CEP70: variants seen among roughly 807,000 people sequenced by gnomAD.
CEP70 encodes centrosomal protein 70.
CEP70 carries 70 observed loss-of-function variants against 90.9 expected under a neutral mutation model. That is an observed-to-expected ratio of 0.77 (90% CI 0.64 to 0.94). The LOEUF (loss-of-function observed/expected upper bound fraction) is 0.94. CEP70 is among the 40% of genes least tolerant of loss of function. CEP70 has a pLI of 0.00. For missense variants in CEP70, 648 were observed against 669.0 expected (o/e 0.97, Z 0.35); for synonymous variants, 220 against 228.3 (o/e 0.96, Z 0.33).
intron 6 of CEP70, among the ~76,000 whole-genome samples, chr3:138,552,677 G>A (rs1022169654): frequency 2.6e-5 from 4 of 152,032 alleles, no homozygotes; most frequent in African/African-American, 4.8e-5. Context: ...AGTAAAGGTG[G>A]TGCTAAGAGG....
At position 138,496,780 on chromosome 3, in the gene CEP70, A is replaced by C; in HGVS notation, c.1732+1251T>G. 8.1e-6 allele frequency: 8 copies of C among 985,478 alleles called. 1 individual carries two copies. Among genetic ancestry groups the C allele is most frequent in the Non-Finnish European group, 7.2e-6 (6 of 829,932 alleles). The allele number at this position is 985,478 out of a possible 1,614,324, so 61.0% of individuals were successfully genotyped here. A position where few individuals can be genotyped will look rare whatever the true frequency, so the allele number is the denominator to read the frequency against. ...TAACACCAGAACTTCAACTTTGACCAAATTACAGAATTCATCTCCAGAGAA... is the reference window on the plus strand; with the variant it reads ...TAACACCAGAACTTCAACTTTGACCCAATTACAGAATTCATCTCCAGAGAA... On this transcript the variant is annotated intron_variant, in intron 17 of 17. Coordinates refer to ENST00000264982, the MANE Select transcript of CEP70 (RefSeq NM_024491.4).
At chr3:138,579,144 A>G (rs1362237151) in intron 2 of CEP70, among the ~76,000 whole-genome samples, 1 of 152,190 alleles carries the variant, frequency 6.6e-6, no homozygotes, top group Admixed American at 6.5e-5. Flanking sequence ...GAAGAATTCA[A>G]CCCACTGGAG....
chr3:138,508,934 C>G (rs925564032), intron 11 of CEP70, among the ~76,000 whole-genome samples: 1 of 151,974 alleles, frequency 6.6e-6, no homozygotes, highest in African/African-American at 2.4e-5. Flanking sequence ...GGGGTTTCAC[C>G]GTGTTAACCA....
chr3:138,543,206 C>A (rs1194369302), intron 6 of CEP70, among the ~76,000 whole-genome samples: 1 of 152,190 alleles, frequency 6.6e-6, no homozygotes, highest in Non-Finnish European at 1.5e-5. Flanking sequence ...CCTCTCACCA[C>A]CATCAACATG....
intron 11 of CEP70, among the ~76,000 whole-genome samples, chr3:138,524,169 C>A (rs1041722574): frequency 1.3e-5 from 2 of 151,254 alleles, no homozygotes; most frequent in African/African-American, 4.9e-5. Context: ...ACTGGCTAGC[C>A]ATATGTAGAA....
intron 6 of CEP70, among the ~76,000 whole-genome samples, chr3:138,561,913 A>C (rs2040432859): frequency 1.3e-5 from 2 of 150,948 alleles, no homozygotes; most frequent in South Asian, 4.3e-4. Flanking sequence ...AGTCCCAGCT[A>C]TTGGGAGGCT....
chr3:138,578,842 C>G (rs1056072435), intron 2 of CEP70, among the ~76,000 whole-genome samples: 2 of 152,192 alleles, frequency 1.3e-5, no homozygotes, highest in Non-Finnish European at 2.9e-5. Flanking sequence ...GAAGCCTCCA[C>G]CGATTGTCCT....
chr3:138,505,239 A>G (rs1326199054), intron 13 of CEP70, 56 bp downstream of exon 13: 1 of 1,305,654 alleles, frequency 7.7e-7, no homozygotes, highest in African/African-American at 1.5e-5. Context: ...TCCTATTAAT[A>G]AAGCACATAG....
At chr3:138,514,332 G>GT (rs2035804403) in intron 11 of CEP70, among the ~76,000 whole-genome samples, 1 of 152,104 alleles carries the variant, frequency 6.6e-6, no homozygotes, top group African/African-American at 2.4e-5. Context: ...ATAATGGATT[G>GT]TATCTGCCTT....
At chr3:138,586,459 T>C (rs2042110033) in intron 2 of CEP70, among the ~76,000 whole-genome samples, 1 of 152,046 alleles carries the variant, frequency 6.6e-6, no homozygotes, top group Non-Finnish European at 1.5e-5. Flanking sequence ...ATAAAGAAAA[T>C]CTGGTACATA....
intron 11 of CEP70, among the ~76,000 whole-genome samples, chr3:138,520,932 C>A (rs1037166061): frequency 2.0e-5 from 3 of 152,186 alleles, no homozygotes; most frequent in Non-Finnish European, 4.4e-5. Flanking sequence ...CCTCAGCCTG[C>A]TGAGTGCCTG....
chr3:138,587,033 T>C (rs1033448956), intron 2 of CEP70, among the ~76,000 whole-genome samples: 26 of 151,128 alleles, frequency 1.7e-4, no homozygotes, highest in Admixed American at 1.3e-3. Flanking sequence ...ACAAGAAAAA[T>C]ATACTAGAAA....
At chr3:138,566,967 C>G (rs1348300091) in intron 6 of CEP70, among the ~76,000 whole-genome samples, 1 of 152,032 alleles carries the variant, frequency 6.6e-6, no homozygotes, top group Non-Finnish European at 1.5e-5. Flanking sequence ...AAACTAGAAA[C>G]TAAAATGTCC....
At chr3:138,568,887 G>A (rs1229352667) in intron 6 of CEP70, among the ~76,000 whole-genome samples, 1 of 151,848 alleles carries the variant, frequency 6.6e-6, no homozygotes, top group Non-Finnish European at 1.5e-5. Context: ...GCTGAGGCAG[G>A]AGAATCGCTT....
At chr3:138,560,062 T>C (rs988931697) in intron 6 of CEP70, among the ~76,000 whole-genome samples, 11 of 152,196 alleles carry the variant, frequency 7.2e-5, no homozygotes, top group African/African-American at 2.4e-4. Flanking sequence ...AATGTGAGGA[T>C]TGCTGCCAAG....
In CEP70 at chr3:138,500,233, G is replaced by T; in HGVS notation, c.1538-9C>A. The T allele has an allele frequency of 6.3e-7, 1 of 1,593,076 alleles. No individual in the cohort carries two copies. Among genetic ancestry groups the T allele is most frequent in the Non-Finnish European group, 8.6e-7 (1 of 1,162,578 alleles). ...CAATGAGGATGAACTATCTGCAAAA[G>T]AGAAATAAAAGGATATTTTAACAGA... On this transcript the variant is annotated splice_polypyrimidine_tract_variant and intron_variant, in intron 15 of 17. Transcript: ENST00000264982.
chr3:138,568,568 A>G (rs1303731065), intron 6 of CEP70, among the ~76,000 whole-genome samples: 3 of 152,204 alleles, frequency 2.0e-5, no homozygotes, highest in Non-Finnish European at 1.5e-5. Context: ...AGATTTCCAC[A>G]TGCCCTATAT....
At chr3:138,515,447 C>A (rs2035914161) in intron 11 of CEP70, among the ~76,000 whole-genome samples, 3 of 59,700 alleles carry the variant, frequency 5.0e-5, no homozygotes, top group Admixed American at 1.7e-4. Context: ...AAGAAATCAC[C>A]AACAAAAGGC....
chr3:138,553,323 C>CA (rs1184623902), intron 6 of CEP70, among the ~76,000 whole-genome samples: 4 of 151,886 alleles, frequency 2.6e-5, no homozygotes, highest in Non-Finnish European at 5.9e-5. Flanking sequence ...ACTAAAAATA[C>CA]AAAAAAATTA....
Sources: gnomAD v4.1 joint callset for allele counts (sites outside exome capture counted in the v4.1 genomes callset) on GRCh38, gnomAD v4.1.1 for gene constraint, MANE v1.5 for transcripts, NCBI Gene and HGNC (gene_info 2026-07-23, HGNC 2026-07-21) for gene names.